Variants in PRR14L observed in about 807,000 individuals in gnomAD.
The protein encoded by PRR14L is protein PRR14L.
PRR14L carries 80 observed loss-of-function variants against 155.0 expected under a neutral mutation model. That is an observed-to-expected ratio of 0.52 (90% CI 0.43 to 0.62). The LOEUF is 0.62. Among genes scored for constraint, PRR14L ranks in the 20% least tolerant of loss-of-function variants. The probability of loss-of-function intolerance (pLI) is 0.00; values close to 1 mark genes in which losing one functional copy is unlikely to be tolerated. For missense variants in PRR14L, 2,469 were observed against 2,548.0 expected, an observed-to-expected ratio of 0.97 and a Z score of 0.67; for synonymous variants, 883 against 916.0, an observed-to-expected ratio of 0.96 and a Z score of 0.65.
At position 31,750,055 on chromosome 22, in the gene PRR14L, G is replaced by T. The variant is rs2074865318; in HGVS notation, c.-114C>A. The T allele has an allele frequency of 6.5e-6, 1 of 153,094 alleles. No homozygotes were observed. Among genetic ancestry groups the T allele is most frequent in the African/African-American group, 2.4e-5 (1 of 41,476 alleles). The allele number at this position is 153,094 out of a possible 1,614,324, so 9.5% of individuals were successfully genotyped here. A position where few individuals can be genotyped will look rare whatever the true frequency, so the allele number is the denominator to read the frequency against. ...GCTCAGCCCCTGCAGCTGCAGCCCC[G>T]TCGTCGCCAGGTCTACCTGAGCCTA... is the stretch of plus-strand genomic sequence containing the variant. On this transcript the variant is annotated 5_prime_UTR_variant, in exon 1 of 9. Transcript: ENST00000327423.
Position 31,691,642 on chromosome 22 carries a change from A to G in PRR14L, c.6108-3415T>C, listed in dbSNP as rs1184088639. Among the ~76,000 whole-genome samples the G allele has an allele frequency of 3.3e-5, 5 of 152,234 alleles. No homozygotes were observed. The East Asian group carries it at 7.7e-4, about 23-fold the overall frequency. ...TGTCTCTAAGGATTCTAGACTTTTC[A>G]TATAAAATGAATCATATAGAATGTG... On this transcript the variant is annotated intron_variant, in intron 7 of 8. Coordinates refer to ENST00000327423, the MANE Select transcript of PRR14L (RefSeq NM_173566.3).
intron 2 of PRR14L, among the ~76,000 whole-genome samples, chr22:31,737,160 C>T (rs2074786456): frequency 6.6e-6 from 1 of 151,890 alleles, no homozygotes; most frequent in South Asian, 2.1e-4. Context: ...GGAGAGAGTC[C>T]GCTGGACAGG....
intron 4 of PRR14L, among the ~76,000 whole-genome samples, chr22:31,711,748 C>A (rs2074623489): frequency 7.5e-6 from 1 of 133,368 alleles, no homozygotes; most frequent in African/African-American, 2.9e-5. Context: ...TGCACCACTG[C>A]ACTCCAGCCT....
chr22:31,733,298 GTTTTTTTTTTT>G (rs1162819822), intron 2 of PRR14L, among the ~76,000 whole-genome samples: 4 of 64,032 alleles, frequency 6.2e-5, no homozygotes, highest in Admixed American at 2.3e-4. Context: ...CCTGGCCACT[GTTTTTTTTTTT>G]TTTTTTTTTT....
chr22:31,746,847 A>G (rs2074841152), intron 1 of PRR14L, among the ~76,000 whole-genome samples: 1 of 137,612 alleles, frequency 7.3e-6, no homozygotes, highest in Non-Finnish European at 1.5e-5. Flanking sequence ...CTCAGGCTGG[A>G]GCGCAGTGGC....
intron 2 of PRR14L, 54 bp from the exon 3 acceptor site, chr22:31,725,664 G>T: frequency 1.0e-6 from 1 of 1,004,616 alleles, no homozygotes; most frequent in Non-Finnish European, 1.5e-6. Flanking sequence ...CTGAGTTAAT[G>T]AATATTATTA....
chr22:31,713,054 A>G lies in PRR14L; in HGVS notation c.4785T>C (p.Ser1595=), dbSNP rs1247713101. 6.4e-7 allele frequency: 1 copy of G among 1,552,354 alleles called. No homozygotes were observed. Among genetic ancestry groups the G allele is most frequent in the Admixed American group, 2.0e-5 (1 of 51,000 alleles). Residue 1595 remains serine, a synonymous_variant, in exon 4 of 9, where the codon TCT becomes TCC. Transcript: ENST00000327423. ...GGCTCCTCAAGGGATGGCACGGTGT[A>G]GACATCTGCTTTGGTATGTGACTAA... is the stretch of plus-strand genomic sequence containing the variant. The part of the protein sequence containing the change: ...SLVSHIPKQM[S]TPCHPLRSLN...
Position 31,716,876 on chromosome 22 carries a change from T to C in PRR14L, c.963A>G (p.Glu321=). 2 of 1,551,958 alleles carry C rather than the reference T, an allele frequency of 1.3e-6. No homozygotes were observed. Among genetic ancestry groups the C allele is most frequent in the South Asian group, 2.4e-5 (2 of 84,058 alleles). The change falls in exon 4 of 9, where the codon GAA becomes GAG. Residue 321 remains glutamate, a synonymous_variant. Coordinates refer to ENST00000327423, the MANE Select transcript of PRR14L (RefSeq NM_173566.3). ...GACTATCATGTGTAGAACTGGGTTGTTCATTATGGTGGCCATGAAGCTGTT... is the reference window on the plus strand; with the variant it reads ...GACTATCATGTGTAGAACTGGGTTGCTCATTATGGTGGCCATGAAGCTGTT... ...NHQQLHGHHN[E]QPSSTHDSPT...
At chr22:31,722,195 T>C (rs1021718200) in intron 3 of PRR14L, among the ~76,000 whole-genome samples, 1 of 152,012 alleles carries the variant, frequency 6.6e-6, no homozygotes, top group African/African-American at 2.4e-5. Flanking sequence ...TTTGGGAGCC[T>C]GAGACGGGTG....
intron 7 of PRR14L, among the ~76,000 whole-genome samples, chr22:31,688,458 A>AT (rs1431089283): frequency 5.9e-5 from 9 of 151,888 alleles, no homozygotes; most frequent in Non-Finnish European, 1.3e-4. Context: ...GCTACTGTGC[A>AT]CAGCCTCATG....
At chr22:31,731,290 C>T (rs1029341388) in intron 2 of PRR14L, among the ~76,000 whole-genome samples, 21 of 152,052 alleles carry the variant, frequency 1.4e-4, no homozygotes, top group African/African-American at 5.1e-4. Flanking sequence ...TTAGGCTGGG[C>T]GCCGTGGCTC....
chr22:31,686,741 G>A (rs1479446160), intron 8 of PRR14L, among the ~76,000 whole-genome samples: 1 of 151,482 alleles, frequency 6.6e-6, no homozygotes, highest in Non-Finnish European at 1.5e-5. Flanking sequence ...GCTCTGATTC[G>A]TTTTTTTTAA....
At chr22:31,741,252 CAAAA>C (rs139593821) in intron 1 of PRR14L, among the ~76,000 whole-genome samples, 1 of 25,694 alleles carries the variant, frequency 3.9e-5, no homozygotes, top group Non-Finnish European at 7.3e-5. Context: ...GGCTCTGTCT[CAAAA>C]AAAAAAAAAA....
intron 3 of PRR14L, among the ~76,000 whole-genome samples, chr22:31,721,356 CAGG>C (rs1391629998): frequency 6.6e-6 from 1 of 152,194 alleles, no homozygotes; most frequent in East Asian, 1.9e-4. Context: ...TCAATCTGGT[CAGG>C]AGATCGAGAC....
rs1299068404 is a variant in PRR14L at position 31,704,586 on chromosome 22, T to A, written c.5828+69A>T. 3 of 1,288,914 alleles carry A rather than the reference T, an allele frequency of 2.3e-6. No individual in the cohort carries two copies. The African/African-American group carries it at 4.4e-5, about 19-fold the overall frequency. 79.8% of individuals were successfully genotyped at this position (1,288,914 alleles called of 1,614,324 possible). On this transcript the variant is annotated intron_variant, in intron 5 of 8. Transcript: ENST00000327423. ...TGCCACAGACGATCCACACCACCTA[T>A]GTATGCACTCTCTCTCTTGCACACA...
intron 2 of PRR14L, among the ~76,000 whole-genome samples, chr22:31,733,311 T>G (rs2074760557): frequency 7.0e-6 from 1 of 142,650 alleles, no homozygotes; most frequent in South Asian, 2.3e-4. Context: ...TTTTTTTTTT[T>G]TTTTTTTTTT....
intron 6 of PRR14L, 82 bp downstream of exon 6, chr22:31,703,468 C>G: frequency 1.5e-6 from 2 of 1,338,880 alleles, no homozygotes; most frequent in Non-Finnish European, 2.1e-6. Flanking sequence ...AGAAGCCAGT[C>G]TGTAGCTATA....
intron 1 of PRR14L, among the ~76,000 whole-genome samples, chr22:31,739,655 A>T (rs1170209766): frequency 6.6e-6 from 1 of 152,202 alleles, no homozygotes; most frequent in Non-Finnish European, 1.5e-5. Context: ...ACACCTGAGG[A>T]GGTTAAATAT....
rs781494797 is a variant in PRR14L at position 31,704,611 on chromosome 22, ACACACG to A, written c.5828+38_5828+43del. On this transcript the variant is annotated intron_variant, in intron 5 of 8. Transcript: ENST00000327423. ...TGTATGCACTCTCTCTCTTGCACACACACACGCACACGCGCACACACACGCTGAGTC... is the reference window on the plus strand; with the variant it reads ...TGTATGCACTCTCTCTCTTGCACACACACACGCGCACACACACGCTGAGTC... 2.6e-6 allele frequency: 4 copies of A among 1,530,554 alleles called. No individual in the cohort carries two copies. The Admixed American group carries it at 5.0e-5, about 19-fold the overall frequency. 94.8% of individuals were successfully genotyped at this position (1,530,554 alleles called of 1,614,324 possible). A position where few individuals can be genotyped will look rare whatever the true frequency, so the allele number is the denominator to read the frequency against.
Sources: gnomAD v4.1 joint callset for allele counts (sites outside exome capture counted in the v4.1 genomes callset) on GRCh38, gnomAD v4.1.1 for gene constraint, MANE v1.5 for transcripts, NCBI Gene and HGNC (gene_info 2026-07-23, HGNC 2026-07-21) for gene names.